The following IDO2 variants were observed in gnomAD, a reference collection of about 807,000 sequenced individuals.
IDO2 encodes indoleamine 2,3-dioxygenase 2.
In IDO2, 46 loss-of-function variants were observed where a neutral mutation model predicts 45.1. The ratio of observed to expected loss-of-function variants is 1.02; its 90% confidence interval spans 0.80 to 1.30. The LOEUF (loss-of-function observed/expected upper bound fraction) is 1.30. Ranked by LOEUF, IDO2 falls within the 50% of genes most tolerant of loss-of-function variation. IDO2 has a pLI of 0.00. For synonymous variants in IDO2, 218 were observed against 184.9 expected, an observed-to-expected ratio of 1.18 and a Z score of -1.45; for missense variants, 544 against 491.8, an observed-to-expected ratio of 1.11 and a Z score of -1.00.
exon 3 of IDO2, chr8:39,963,653 A>C: frequency 6.2e-7 from 1 of 1,612,790 alleles, no homozygotes. Context: ...AATTGCCAAC[A>C]AACTTCCTCA....
intron 1 of IDO2, among the ~76,000 whole-genome samples, chr8:39,941,667 A>G (rs1807644762): frequency 2.6e-5 from 4 of 152,182 alleles, no homozygotes; most frequent in African/African-American, 9.6e-5. Context: ...ATACATAAGA[A>G]CACTGAGATA....
chr8:39,998,312 C>T (rs1036553978), intron 8 of IDO2: 3 of 152,150 alleles, frequency 2.0e-5, no homozygotes, highest in Admixed American at 1.3e-4. Context: ...ATATTTTGTT[C>T]TCTGCAACTT....
chr8:39,984,724 A>C (rs1808398146), intron 5 of IDO2, among the ~76,000 whole-genome samples: 1 of 152,182 alleles, frequency 6.6e-6, no homozygotes. Flanking sequence ...TACATGACAA[A>C]TGTCAAAGAG....
intron 2 of IDO2, among the ~76,000 whole-genome samples, chr8:39,960,646 A>G (rs950202233): frequency 8.5e-5 from 13 of 152,258 alleles, no homozygotes; most frequent in African/African-American, 2.9e-4. Flanking sequence ...TACATAGATA[A>G]ACTAATATAT....
chr8:39,975,375 G>T (rs1228598153), intron 3 of IDO2, among the ~76,000 whole-genome samples: 1 of 151,912 alleles, frequency 6.6e-6, no homozygotes, highest in African/African-American at 2.4e-5. Context: ...CAAACTGAGA[G>T]AAGATATTGT....
chr8:40,002,628 A>G (rs1329847087), intron 8 of IDO2, among the ~76,000 whole-genome samples: 1 of 152,112 alleles, frequency 6.6e-6, no homozygotes, highest in Non-Finnish European at 1.5e-5. Flanking sequence ...TCTACTAAAA[A>G]TACAAAAATT....
intron 8 of IDO2, among the ~76,000 whole-genome samples, chr8:39,993,710 C>G (rs774130195): frequency 5.3e-5 from 8 of 151,914 alleles, no homozygotes; most frequent in Admixed American, 3.3e-4. Flanking sequence ...TCTTTTTGAC[C>G]TAGAAAAGAT....
chr8:39,999,766 A>C (rs1424102893), intron 8 of IDO2, among the ~76,000 whole-genome samples: 1 of 152,174 alleles, frequency 6.6e-6, no homozygotes, highest in Non-Finnish European at 1.5e-5. Context: ...CCTGGCCAAA[A>C]TTGTTAAACT....
intron 2 of IDO2, 48 bp from the exon 3 acceptor site, chr8:39,963,560 C>T (rs774128790): frequency 9.5e-6 from 11 of 1,161,712 alleles, no homozygotes; most frequent in Non-Finnish European, 1.4e-5. Context: ...TCGGAAGCCC[C>T]TTTCCAGAGA....
intron 1 of IDO2, among the ~76,000 whole-genome samples, chr8:39,943,913 G>A (rs1327482132): frequency 6.6e-6 from 1 of 152,076 alleles, no homozygotes; most frequent in Non-Finnish European, 1.5e-5. Flanking sequence ...GTGGATAATT[G>A]AGAATGGCTC....
intron 1 of IDO2, among the ~76,000 whole-genome samples, chr8:39,945,161 G>C (rs1162002704): frequency 6.6e-6 from 1 of 152,268 alleles, no homozygotes; most frequent in Non-Finnish European, 1.5e-5. Context: ...CCATGCTACA[G>C]TCTGGGAAGC....
intron 7 of IDO2, among the ~76,000 whole-genome samples, 188 bp from the exon 8 acceptor site, chr8:39,989,533 G>C (rs1053024527): frequency 2.6e-5 from 4 of 152,168 alleles, no homozygotes; most frequent in Non-Finnish European, 5.9e-5. Flanking sequence ...CTAGGGGTCT[G>C]TCTGGGAGGT....
chr8:39,986,093 G>A (rs1423761134), intron 6 of IDO2: 1 of 152,492 alleles, frequency 6.6e-6, no homozygotes, highest in African/African-American at 2.4e-5. Flanking sequence ...GCCTCCCAAA[G>A]TGCTGGGATT....
chr8:39,963,852 A>G, intron 3 of IDO2, 149 bp downstream of exon 3: 1 of 557,392 alleles, frequency 1.8e-6, no homozygotes, highest in South Asian at 2.6e-5. Context: ...TTCCTGAAAA[A>G]CAGAATGACC....
intron 3 of IDO2, among the ~76,000 whole-genome samples, chr8:39,975,159 G>GTT (rs368341548): frequency 7.0e-6 from 1 of 142,550 alleles, no homozygotes; most frequent in Non-Finnish European, 1.5e-5. Context: ...CAACATTGGA[G>GTT]TTTTTTTTTT....
exon 11 of IDO2, chr8:40,015,536 A>C: frequency 6.2e-7 from 1 of 1,613,994 alleles, no homozygotes; most frequent in African/African-American, 1.3e-5. Context: ...GTGGAACCGC[A>C]GTTATGAGCT....
chr8:39,991,179 A>C (rs1808491647), intron 8 of IDO2, among the ~76,000 whole-genome samples: 1 of 152,224 alleles, frequency 6.6e-6, no homozygotes. Flanking sequence ...CTGAAGTCAC[A>C]GGATTAGGTA....
At chr8:39,936,295 T>C (rs1247399130) in intron 1 of IDO2, among the ~76,000 whole-genome samples, 1 of 152,140 alleles carries the variant, frequency 6.6e-6, no homozygotes, top group Non-Finnish European at 1.5e-5. Flanking sequence ...GCAAAAACTA[T>C]CCAAAAGAGA....
intron 8 of IDO2, among the ~76,000 whole-genome samples, chr8:39,991,332 T>A (rs1338261636): frequency 1.7e-4 from 26 of 152,134 alleles, no homozygotes; most frequent in Admixed American, 1.7e-3. Context: ...CAAGCTGAAA[T>A]GAGATGAGAT....
Sources: gnomAD v4.1 joint callset for allele counts (sites outside exome capture counted in the v4.1 genomes callset) on GRCh38, gnomAD v4.1.1 for gene constraint, MANE v1.5 for transcripts, NCBI Gene and HGNC (gene_info 2026-07-23, HGNC 2026-07-21) for gene names.